SDK1: variants seen among roughly 807,000 people sequenced by gnomAD.
SDK1 encodes protein sidekick-1.
Under a neutral mutation model 245.5 loss-of-function variants are expected in SDK1, and 157 were observed. The ratio of observed to expected loss-of-function variants is 0.64; its 90% CI spans 0.56 to 0.73. The LOEUF (loss-of-function observed/expected upper bound fraction) is 0.73. SDK1 is among the 30% of genes least tolerant of loss of function. The pLI is 0.00. For missense variants in SDK1, 3,583 were observed against 3,002.3 expected (o/e 1.19, Z -4.52); for synonymous variants, 1,647 against 1,278.5 (o/e 1.29, Z -6.15).
intron 1 of SDK1, among the ~76,000 whole-genome samples, chr7:3,486,413 C>CT (rs1010801501): frequency 1.3e-5 from 2 of 151,808 alleles, no homozygotes; most frequent in African/African-American, 4.8e-5. Context: ...TAATTCATTT[C>CT]TTTTTTTATG....
chr7:3,583,247 C>T (rs572740568), intron 1 of SDK1, among the ~76,000 whole-genome samples: 17 of 152,322 alleles, frequency 1.1e-4, no homozygotes, highest in African/African-American at 3.8e-4. Context: ...GCAGTTCCTG[C>T]TCTAAAATAA....
chr7:3,658,112 C>A (rs1425336816), intron 4 of SDK1, among the ~76,000 whole-genome samples: 2 of 152,174 alleles, frequency 1.3e-5, no homozygotes, highest in Non-Finnish European at 2.9e-5. Context: ...GGTGATAACA[C>A]CCTGGCTTGC....
chr7:3,994,275 C>A (rs1583765673), intron 14 of SDK1, among the ~76,000 whole-genome samples: 1 of 152,166 alleles, frequency 6.6e-6, no homozygotes, highest in African/African-American at 2.4e-5. Flanking sequence ...CTCCATGTCC[C>A]AGGGCTTATC....
At chr7:3,751,449 G>A (rs1779769304) in intron 4 of SDK1, among the ~76,000 whole-genome samples, 2 of 151,608 alleles carry the variant, frequency 1.3e-5, no homozygotes, top group Admixed American at 6.6e-5. Context: ...GAACTTCGGC[G>A]GGGGGTGGGG....
intron 7 of SDK1, among the ~76,000 whole-genome samples, chr7:3,952,948 T>C (rs1017054674): frequency 1.1e-4 from 17 of 152,172 alleles, no homozygotes; most frequent in Admixed American, 5.2e-4. Flanking sequence ...GCATTTATTC[T>C]TCATAAGTGG....
At chr7:3,326,406 T>A (rs762216838) in intron 1 of SDK1, among the ~76,000 whole-genome samples, 10 of 152,144 alleles carry the variant, frequency 6.6e-5, no homozygotes, top group Non-Finnish European at 1.0e-4. Flanking sequence ...CCACTGTGAG[T>A]CATAGTTTAG....
chr7:4,122,895 G>A (rs972570307), intron 25 of SDK1, among the ~76,000 whole-genome samples: 5 of 152,308 alleles, frequency 3.3e-5, no homozygotes, highest in Admixed American at 2.0e-4. Flanking sequence ...TCTTGTCCTC[G>A]TAGGATTTAA....
rs560124026 is a variant in SDK1, at chr7:3,357,328, G to GTTTTTT, written c.298+55478_298+55483dup. ...TTACTCTTGCTCCCCTTCTTTTAGT[G>GTTTTTT]TTTTTTTTTTTTTTTTTTTTTTTTT... On this transcript the variant is annotated intron_variant, in intron 1 of 44. Transcript: ENST00000404826. Among the ~76,000 whole-genome samples the GTTTTTT allele has an allele frequency of 5.3e-3, 281 of 52,936 alleles. 62 individuals carry two copies. Among genetic ancestry groups the GTTTTTT allele is most frequent in the East Asian group, 0.023 (30 of 1,296 alleles). The allele number at this position is 52,936 out of a possible 152,430, so 34.7% of individuals were successfully genotyped here. A position where few individuals can be genotyped will look rare whatever the true frequency, so the allele number is the denominator to read the frequency against.
chr7:3,787,935 C>T (rs537748394), intron 4 of SDK1, among the ~76,000 whole-genome samples: 9 of 152,182 alleles, frequency 5.9e-5, no homozygotes, highest in African/African-American at 2.2e-4. Context: ...AAGCCACTCT[C>T]AGAAGTCTGA....
intron 44 of SDK1, among the ~76,000 whole-genome samples, chr7:4,257,196 A>G (rs1032273373): frequency 1.3e-5 from 2 of 152,222 alleles, no homozygotes; most frequent in African/African-American, 4.8e-5. Context: ...TTCCTTAATA[A>G]TATTTGAGTC....
intron 5 of SDK1, among the ~76,000 whole-genome samples, chr7:3,907,835 C>T (rs1779008361): frequency 6.6e-6 from 1 of 152,138 alleles, no homozygotes; most frequent in Admixed American, 6.5e-5. Context: ...GTTCTTGTTT[C>T]TTATTGCTCA....
At chr7:3,875,956 C>G (rs1328805902) in intron 5 of SDK1, among the ~76,000 whole-genome samples, 1 of 152,176 alleles carries the variant, frequency 6.6e-6, no homozygotes, top group Non-Finnish European at 1.5e-5. Context: ...CCTGGCAGTT[C>G]TCTTGAGCAA....
At chr7:3,527,202 C>T (rs561304690) in intron 1 of SDK1, among the ~76,000 whole-genome samples, 5 of 152,262 alleles carry the variant, frequency 3.3e-5, no homozygotes, top group South Asian at 2.1e-4. Context: ...ATGTCCACAA[C>T]GTCTGAGGCA....
At chr7:3,930,654 A>G (rs999485971) in intron 5 of SDK1, among the ~76,000 whole-genome samples, 2 of 152,188 alleles carry the variant, frequency 1.3e-5, no homozygotes, top group African/African-American at 2.4e-5. Flanking sequence ...TTAGCCACGC[A>G]TGGTGGCACA....
rs563108076 is a variant in SDK1, at chr7:4,267,453, G to A, written c.*2069G>A. 754 of 985,410 alleles carry A rather than the reference G, an allele frequency of 7.7e-4. 5 individuals carry two copies. Among genetic ancestry groups the A allele is most frequent in the Middle Eastern group, 2.1e-3 (4 of 1,914 alleles). 61.0% of individuals were successfully genotyped at this position (985,410 alleles called of 1,614,324 possible). The stretch of plus-strand genomic sequence containing the variant: ...TGAGAATCGCAACCCACAGTTCCCC[G>A]GATGAGACTCACCACAGTGGACAGT... On this transcript the variant is annotated 3_prime_UTR_variant, in exon 45 of 45. Transcript: ENST00000404826.
At chr7:4,126,291 T>C (rs1161039558) in intron 25 of SDK1, among the ~76,000 whole-genome samples, 1 of 152,248 alleles carries the variant, frequency 6.6e-6, no homozygotes, top group East Asian at 1.9e-4. Flanking sequence ...ATGGAGATTG[T>C]CTAGAATATA....
intron 1 of SDK1, among the ~76,000 whole-genome samples, chr7:3,362,799 T>TTTA (rs2128561097): frequency 6.6e-6 from 1 of 152,342 alleles, no homozygotes; most frequent in Non-Finnish European, 1.5e-5. Context: ...TTATTTATAC[T>TTTA]TTTATAGTTT....
intron 1 of SDK1, among the ~76,000 whole-genome samples, chr7:3,456,998 C>G (rs192458656): frequency 6.6e-6 from 1 of 152,236 alleles, no homozygotes; most frequent in East Asian, 1.9e-4. Flanking sequence ...GCAGGTGCCT[C>G]TCAAGGGTGC....
chr7:3,872,937 C>T (rs1417765256), intron 5 of SDK1, among the ~76,000 whole-genome samples: 1 of 152,082 alleles, frequency 6.6e-6, no homozygotes, highest in Non-Finnish European at 1.5e-5. Flanking sequence ...TATCAACACA[C>T]CAGATATTTT....
Sources: gnomAD v4.1 joint callset for allele counts (sites outside exome capture counted in the v4.1 genomes callset) on GRCh38, gnomAD v4.1.1 for gene constraint, MANE v1.5 for transcripts, NCBI Gene and HGNC (gene_info 2026-07-23, HGNC 2026-07-21) for gene names.